Variants in PLEKHD1 observed in about 807,000 individuals in gnomAD.
The protein encoded by PLEKHD1 is pleckstrin homology domain-containing family D member 1.
Under a neutral mutation model 69.2 loss-of-function variants are expected in PLEKHD1, and 51 were observed. That is an observed-to-expected ratio of 0.74 (90% confidence interval 0.59 to 0.93). The LOEUF (loss-of-function observed/expected upper bound fraction) is 0.93, where lower values mean the gene tolerates loss of function less well. Among genes scored for constraint, PLEKHD1 ranks in the 40% least tolerant of loss-of-function variants. The pLI is 0.00. For missense variants in PLEKHD1, 584 were observed against 641.0 expected, an observed-to-expected ratio of 0.91 and a Z score of 0.96; for synonymous variants, 236 against 244.7, an observed-to-expected ratio of 0.96 and a Z score of 0.33.
chr14:69,496,707 T>C, intron 1 of PLEKHD1, among the ~76,000 whole-genome samples: 1 of 147,876 alleles, frequency 6.8e-6, no homozygotes, highest in Non-Finnish European at 1.5e-5. Flanking sequence ...AGCTAATTTT[T>C]TTTTTTTTTT....
At position 69,501,749 on chromosome 14, in the gene PLEKHD1, C is replaced by A. The variant is rs549781815; in HGVS notation, c.426C>A (p.Ala142=). ...QESGKVTWKN[A]QLGEAMIKSL... ...CCCTCCCCAGGACCTGGAAGAATGC[C>A]CAGCTGGGAGAAGCCATGATCAAAA... Residue 142 remains alanine, a synonymous_variant, in exon 5 of 13, where the codon GCC becomes GCA. Transcript: ENST00000322564. The A allele has an allele frequency of 1.9e-6, 3 of 1,551,348 alleles. No individual in the cohort carries two copies. The East Asian group carries it at 7.3e-5, about 38-fold the overall frequency.
At chr14:69,482,899 AAAAAAAAG>A (rs1439190290), upstream of PLEKHD1, among the ~76,000 whole-genome samples, 2 of 148,132 alleles carry the variant, frequency 1.4e-5, no homozygotes, top group Non-Finnish European at 3.0e-5. Flanking sequence ...TCTCTAAAAA[AAAAAAAAG>A]AAAGAAAGAA....
chr14:69,500,471 C>T, intron 2 of PLEKHD1, 106 bp from the exon 3 acceptor site: 1 of 896,514 alleles, frequency 1.1e-6, no homozygotes, highest in Non-Finnish European at 1.7e-6. Flanking sequence ...GTCTAGCTTC[C>T]ATCCTGGGGC....
the PLEKHD1 span, among the ~76,000 whole-genome samples, chr14:69,472,448 C>G: frequency 6.6e-6 from 1 of 152,164 alleles, no homozygotes; most frequent in Non-Finnish European, 1.5e-5. Flanking sequence ...CTGTCCCCAC[C>G]CCCATGTTCT....
chr14:69,524,506 C>T (rs1594993654), intron 8 of PLEKHD1, among the ~76,000 whole-genome samples, 184 bp downstream of exon 8: 1 of 152,106 alleles, frequency 6.6e-6, no homozygotes, highest in East Asian at 1.9e-4. Context: ...GGCATGAGGC[C>T]CAAAGCAAGA....
At chr14:69,503,141 G>GCTC in intron 6 of PLEKHD1, 1 of 492,052 alleles carries the variant, frequency 2.0e-6, no homozygotes, top group Non-Finnish European at 3.7e-6. Context: ...GCCATCCAAA[G>GCTC]TGTCATCAGC....
chr14:69,509,425 G>A (rs1018115409), intron 6 of PLEKHD1, among the ~76,000 whole-genome samples: 2 of 152,136 alleles, frequency 1.3e-5, no homozygotes, highest in African/African-American at 4.8e-5. Flanking sequence ...TAAAAAGTCA[G>A]TACTGTAGAT....
At chr14:69,496,056 T>A (rs1249384305) in intron 1 of PLEKHD1, among the ~76,000 whole-genome samples, 1 of 152,200 alleles carries the variant, frequency 6.6e-6, no homozygotes, top group Non-Finnish European at 1.5e-5. Flanking sequence ...AATGGAGGAA[T>A]CTTTATAACA....
chr14:69,518,014 ATTTATTTATTTATTTATTTG>A lies in PLEKHD1; in HGVS notation c.556-4265_556-4246del, dbSNP rs755332607. On this transcript the variant is annotated intron_variant, in intron 6 of 12. Coordinates refer to ENST00000322564, the MANE Select transcript of PLEKHD1 (RefSeq NM_001161498.2). Reference sequence around the variant, plus strand: ...TCTGATTTTATTTATTTATTTATTTATTTATTTATTTATTTATTTGTTTGTTTGTTTGTTTGAGACAGGGC... The same window carrying A: ...TCTGATTTTATTTATTTATTTATTTATTTGTTTGTTTGTTTGAGACAGGGC... Among the ~76,000 whole-genome samples, 155 of 52,712 alleles carry A rather than the reference ATTTATTTATTTATTTATTTG, an allele frequency of 2.9e-3. 2 individuals carry two copies. In the South Asian group the frequency reaches 0.11, roughly 36 times the overall value. The allele number at this position is 52,712 out of a possible 152,430, so 34.6% of individuals were successfully genotyped here.
At chr14:69,493,379 C>G (rs1422655324) in intron 1 of PLEKHD1, among the ~76,000 whole-genome samples, 2 of 152,206 alleles carry the variant, frequency 1.3e-5, no homozygotes, top group African/African-American at 4.8e-5. Context: ...GAGTTTGCCA[C>G]TTACTAGTCG....
chr14:69,482,791 G>T (rs1039465261), upstream of PLEKHD1, among the ~76,000 whole-genome samples: 3 of 151,712 alleles, frequency 2.0e-5, no homozygotes, highest in African/African-American at 2.4e-5. Flanking sequence ...AGAAAAGCAG[G>T]ACACCTGTAA....
chr14:69,523,327 G>A (rs765732637), intron 7 of PLEKHD1, among the ~76,000 whole-genome samples: 2 of 152,112 alleles, frequency 1.3e-5, no homozygotes, highest in Admixed American at 6.5e-5. Context: ...AGTCATCATC[G>A]TCATCCTCAT....
chr14:69,487,610 C>T (rs560777271), intron 1 of PLEKHD1, among the ~76,000 whole-genome samples: 11 of 152,348 alleles, frequency 7.2e-5, no homozygotes, highest in African/African-American at 2.4e-4. Context: ...CTTCCACCGC[C>T]CAAGCAGCCC....
intron 1 of PLEKHD1, among the ~76,000 whole-genome samples, chr14:69,486,576 T>TC (rs1156244981): frequency 6.6e-6 from 1 of 151,266 alleles, no homozygotes; most frequent in Non-Finnish European, 1.5e-5. Flanking sequence ...GCAGAATATC[T>TC]CCCCCCACCA....
rs181865046 is a variant in PLEKHD1 at position 69,509,915 on chromosome 14, G to A, written c.555+7036G>A. Among the ~76,000 whole-genome samples, 3 of 151,388 alleles carry A rather than the reference G, an allele frequency of 2.0e-5. No homozygotes were observed. In the East Asian group the frequency reaches 5.8e-4, roughly 29 times the overall value. On this transcript the variant is annotated intron_variant, in intron 6 of 12. Transcript: ENST00000322564. ...ATCACACCACTGCACCCCAGCCTGG[G>A]TTACAGAGTGAGACTCCATCTCAAA...
intron 7 of PLEKHD1, 150 bp downstream of exon 7, chr14:69,522,527 C>A: frequency 2.5e-6 from 2 of 804,714 alleles, no homozygotes; most frequent in African/African-American, 1.7e-5. Context: ...GTCTGTCCTC[C>A]AAGGCTCCAG....
At chr14:69,470,324 G>A in the PLEKHD1 span, among the ~76,000 whole-genome samples, 4 of 151,888 alleles carry the variant, frequency 2.6e-5, no homozygotes, top group South Asian at 2.1e-4. Context: ...TTAGCCAGGC[G>A]TAGTGGTGCA....
Position 69,484,929 on chromosome 14 carries a change from G to C in PLEKHD1, c.-37G>C. On this transcript the variant is annotated 5_prime_UTR_variant, in exon 1 of 13. Transcript: ENST00000322564. ...CCGAGTCCCTGCTGACCCCGGGGAGGTGGGGTCCGGGCCGGGCACAGCCCC... is the reference window on the plus strand; with the variant it reads ...CCGAGTCCCTGCTGACCCCGGGGAGCTGGGGTCCGGGCCGGGCACAGCCCC... The C allele has an allele frequency of 6.5e-7, 1 of 1,542,498 alleles. No individual in the cohort carries two copies. Among genetic ancestry groups the C allele is most frequent in the Non-Finnish European group, 8.8e-7 (1 of 1,141,128 alleles).
chr14:69,467,982 C>T, the PLEKHD1 span, among the ~76,000 whole-genome samples: 1 of 152,326 alleles, frequency 6.6e-6, no homozygotes, highest in Non-Finnish European at 1.5e-5. Context: ...CTGTAGTTCT[C>T]CAATACCTCA....
Sources: allele counts gnomAD v4.1 joint callset (sites outside exome capture counted in the v4.1 genomes callset), GRCh38; gene constraint gnomAD v4.1.1; transcripts MANE v1.5; gene names NCBI Gene and HGNC (gene_info 2026-07-23, HGNC 2026-07-21).